Variants in SPC25 observed in about 807,000 individuals in gnomAD.
The protein encoded by SPC25 is kinetochore protein Spc25.
Under a neutral mutation model 29.6 loss-of-function variants are expected in SPC25, and 22 were observed. The observed-to-expected ratio is 0.74, with a 90% CI of 0.53 to 1.06. SPC25 has a LOEUF of 1.06. Among genes scored for constraint, SPC25 ranks in the 50% least tolerant of loss-of-function variants. SPC25 has a pLI of 0.00. For missense variants in SPC25, 230 were observed against 255.8 expected (o/e 0.90, Z 0.69); for synonymous variants, 91 against 90.4 (o/e 1.01, Z -0.04).
chr2:168,881,270 C>A (rs1034665428), intron 3 of SPC25, among the ~76,000 whole-genome samples: 4 of 152,196 alleles, frequency 2.6e-5, no homozygotes, highest in Admixed American at 6.5e-5. Flanking sequence ...TCTTCTTGCC[C>A]TAGCCCTCTT....
At chr2:168,889,066 T>C (rs866405477) in intron 3 of SPC25, among the ~76,000 whole-genome samples, 160 bp downstream of exon 3, 1 of 63,464 alleles carries the variant, frequency 1.6e-5, no homozygotes, top group Non-Finnish European at 3.3e-5. Context: ...TACATATATA[T>C]ATACACATAT....
rs375031439 is a variant in SPC25, at chr2:168,864,986, A to G, written n.419+8599T>C. Reference sequence around the variant, plus strand: ...AAAGGCATAAAACAAGACTCTGAACATACTACCTTCACACTCGGTAATCAA... The same window carrying G: ...AAAGGCATAAAACAAGACTCTGAACGTACTACCTTCACACTCGGTAATCAA... On this transcript the variant is annotated intron_variant and non_coding_transcript_variant, in intron 4 of 4. Coordinates refer to the SPC25 transcript ENST00000479309. 3.1e-4 allele frequency: 504 copies of G among 1,613,350 alleles called. 9 individuals are homozygous for G. In the South Asian group the frequency reaches 5.3e-3, roughly 17 times the overall value.
Position 168,877,294 on chromosome 2 carries a change from T to C in SPC25, c.290A>G (p.Glu97Gly). The C allele has an allele frequency of 2.5e-6, 4 of 1,613,810 alleles. No individual in the cohort carries two copies. The highest frequency in any genetic ancestry group is 3.4e-6 in the Non-Finnish European group (4 of 1,179,850). Residue 97 changes from glutamate (E) to glycine (G), a missense_variant, in exon 4 of 7, where the codon GAA becomes GGA. Coordinates refer to ENST00000282074, the MANE Select transcript of SPC25 (RefSeq NM_020675.4). ...ATCCTGGATATTTGCAGTCAGTACT[T>C]CCAATTCCTGCTTTTTGCCTTTTAC... Reference protein sequence around the residue: ...AEVKGKKQELEVLTANIQDLK... With the variant: ...AEVKGKKQELGVLTANIQDLK...
At chr2:168,862,154 A>ACCCTTCTTG in intron 4 of SPC25, 1 of 929,138 alleles carries the variant, frequency 1.1e-6, no homozygotes, top group Non-Finnish European at 1.7e-6. Flanking sequence ...CTACCATGTC[A>ACCCTTCTTG]AATCAGTTCA....
At position 168,864,866 on chromosome 2, in the gene SPC25, G is replaced by A. The variant is rs531626284; in HGVS notation, n.419+8719C>T. 3.7e-6 allele frequency: 6 copies of A among 1,613,798 alleles called. No individual in the cohort carries two copies. The South Asian group carries it at 5.5e-5, about 15-fold the overall frequency. Reference sequence around the variant, plus strand: ...TGTGATTATACACGAGAAAAAAGAAGGAGGATGGTGGTTTGGATCTTTGAA... The same window carrying A: ...TGTGATTATACACGAGAAAAAAGAAAGAGGATGGTGGTTTGGATCTTTGAA... On this transcript the variant is annotated intron_variant and non_coding_transcript_variant, in intron 4 of 4. Coordinates refer to the SPC25 transcript ENST00000479309.
At chr2:168,874,509 C>T (rs1382675588) in intron 5 of SPC25, among the ~76,000 whole-genome samples, 1 of 152,088 alleles carries the variant, frequency 6.6e-6, no homozygotes, top group African/African-American at 2.4e-5. Flanking sequence ...GGATATAGTA[C>T]ACACATACAA....
chr2:168,868,140 T>C (rs1438305901), downstream of SPC25, among the ~76,000 whole-genome samples: 1 of 152,230 alleles, frequency 6.6e-6, no homozygotes, highest in Non-Finnish European at 1.5e-5. Flanking sequence ...GAAATAAAGA[T>C]GTTCTTTGTA....
At chr2:168,877,417 G>A (rs1181680303) in intron 3 of SPC25, 33 bp from the exon 4 acceptor site, 3 of 1,611,102 alleles carry the variant, frequency 1.9e-6, no homozygotes, top group Admixed American at 1.7e-5. Flanking sequence ...GCTAGAATAT[G>A]CTTGGCTCTC....
chr2:168,868,117 C>T (rs1245376635), downstream of SPC25, among the ~76,000 whole-genome samples: 2 of 152,158 alleles, frequency 1.3e-5, no homozygotes, highest in East Asian at 1.9e-4. Flanking sequence ...GGGTACATAA[C>T]GAAATGAAGG....
chr2:168,876,037 A>T (rs752353333), intron 5 of SPC25, 35 bp downstream of exon 5: 9 of 1,182,944 alleles, frequency 7.6e-6, no homozygotes, highest in Admixed American at 3.3e-5. Context: ...ATACTTTTGT[A>T]ATCTCCTATA....
intron 4 of SPC25, among the ~76,000 whole-genome samples, chr2:168,876,545 A>G (rs1690089713): frequency 6.6e-6 from 1 of 151,516 alleles, no homozygotes; most frequent in Admixed American, 6.6e-5. Flanking sequence ...CTCTTCCTTT[A>G]ACATAACTAT....
rs540272400 is a variant in SPC25 at position 168,889,773 on chromosome 2, G to A, written c.-14-240C>T. The stretch of plus-strand genomic sequence containing the variant: ...GTTAGTAGGTAAGTGTAACTGCACA[G>A]GACACTCACACGCACTATGACCCTG... On this transcript the variant is annotated intron_variant, in intron 1 of 6. Coordinates refer to ENST00000282074, the MANE Select transcript of SPC25 (RefSeq NM_020675.4). Among the ~76,000 whole-genome samples, 8 of 152,236 alleles carry A rather than the reference G, an allele frequency of 5.3e-5. 1 individual carries two copies. The East Asian group carries it at 1.5e-3, about 29-fold the overall frequency.
intron 4 of SPC25, chr2:168,865,136 C>T (rs963560941): frequency 6.8e-6 from 5 of 740,448 alleles, no homozygotes; most frequent in Non-Finnish European, 1.1e-5. Flanking sequence ...TTGAAACAGT[C>T]AGAAAAAAGA....
rs1690375444 is a variant in SPC25, at chr2:168,890,376, G to A, written c.-73C>T. The A allele has an allele frequency of 2.0e-6, 2 of 985,354 alleles. No homozygotes were observed. Among genetic ancestry groups the A allele is most frequent in the South Asian group, 4.7e-5 (1 of 21,296 alleles). 61.0% of individuals were successfully genotyped at this position (985,354 alleles called of 1,614,324 possible). ...CCACACCAGATCCGCGCCCACTCTA[G>A]CCAACAGCCGGACTCTAGGCTCAGC... On this transcript the variant is annotated 5_prime_UTR_variant, in exon 1 of 7. Transcript: ENST00000282074.
chr2:168,876,596 T>C (rs1690090616), intron 4 of SPC25, among the ~76,000 whole-genome samples: 3 of 64,138 alleles, frequency 4.7e-5, no homozygotes, highest in Non-Finnish European at 6.6e-5. Flanking sequence ...TAGTTTAGTT[T>C]TTTCTTTTTT....
intron 5 of SPC25, among the ~76,000 whole-genome samples, chr2:168,873,985 A>G (rs1391679115): frequency 2.6e-5 from 4 of 152,172 alleles, no homozygotes; most frequent in African/African-American, 9.6e-5. Context: ...AATATTTGCA[A>G]TCATTTATCT....
intron 3 of SPC25, 26 bp downstream of exon 3, chr2:168,889,200 C>A (rs1690347777): frequency 6.3e-7 from 1 of 1,596,246 alleles, no homozygotes; most frequent in East Asian, 2.2e-5. Context: ...TAAAAAAAAC[C>A]CCATGATTTA....
intron 4 of SPC25, chr2:168,863,471 C>CAGATGATCCT: frequency 2.0e-6 from 2 of 985,188 alleles, no homozygotes; most frequent in Non-Finnish European, 2.4e-6. Context: ...CTGACGGGGG[C>CAGATGATCCT]AGATGATCCT....
At chr2:168,866,789 A>AAACC (rs1280539262), downstream of SPC25, among the ~76,000 whole-genome samples, 2 of 149,210 alleles carry the variant, frequency 1.3e-5, no homozygotes, top group African/African-American at 5.0e-5. Flanking sequence ...AGAAAAAAAC[A>AAACC]ACCACATCAA....
Sources: gnomAD v4.1 joint callset for allele counts (sites outside exome capture counted in the v4.1 genomes callset) on GRCh38, gnomAD v4.1.1 for gene constraint, MANE v1.5 for transcripts, NCBI Gene and HGNC (gene_info 2026-07-23, HGNC 2026-07-21) for gene names.